USP46: variants seen among roughly 807,000 people sequenced by gnomAD.
USP46 encodes the protein ubiquitin specific peptidase 46.
In USP46, 12 loss-of-function variants were observed where a neutral mutation model predicts 44.4. The observed-to-expected ratio is 0.27, with a 90% confidence interval of 0.17 to 0.44. The LOEUF is 0.44. USP46 is among the 20% of genes least tolerant of loss of function. The probability of loss-of-function intolerance (pLI) is 1.00; values close to 1 mark genes in which losing one functional copy is unlikely to be tolerated. For synonymous variants in USP46, 155 were observed against 161.5 expected, an observed-to-expected ratio of 0.96 and a Z score of 0.31; for missense variants, 248 against 444.8, an observed-to-expected ratio of 0.56 and a Z score of 3.98.
chr4:52,613,438 A>G (rs1302767728), intron 4 of USP46, among the ~76,000 whole-genome samples: 1 of 152,038 alleles, frequency 6.6e-6, no homozygotes, highest in East Asian at 1.9e-4. Context: ...AACTAACAGA[A>G]TCCGGCCGGG....
Position 52,593,046 on chromosome 4 carries a change from T to A in USP46, c.*4594A>T, listed in dbSNP as rs1419748016. The A allele has an allele frequency of 5.0e-6, 2 of 397,860 alleles. No individual in the cohort carries two copies. Among genetic ancestry groups the A allele is most frequent in the Non-Finnish European group, 8.9e-6 (2 of 225,896 alleles). 24.6% of individuals were successfully genotyped at this position (397,860 alleles called of 1,614,324 possible). On this transcript the variant is annotated 3_prime_UTR_variant, in exon 9 of 9. Coordinates refer to ENST00000441222, the MANE Select transcript of USP46 (RefSeq NM_022832.4). ...CAGAAATGACCCACGCTCAGGTATGTCTTTATAGCACTGCCAGAATGGACA... is the reference window on the plus strand; with the variant it reads ...CAGAAATGACCCACGCTCAGGTATGACTTTATAGCACTGCCAGAATGGACA...
intron 1 of USP46, among the ~76,000 whole-genome samples, chr4:52,636,689 G>A (rs1448241160): frequency 9.1e-6 from 1 of 109,384 alleles, no homozygotes; most frequent in African/African-American, 3.6e-5. Context: ...CTGGGTGACA[G>A]AGTAAGACTC....
chr4:52,615,749 G>A (rs760856268), intron 4 of USP46, among the ~76,000 whole-genome samples: 1 of 152,118 alleles, frequency 6.6e-6, no homozygotes, highest in Non-Finnish European at 1.5e-5. Context: ...CAGTCATGAG[G>A]GATCTTACTG....
rs1716125417 is a variant in USP46, at chr4:52,593,923, T to A, written c.*3717A>T. The stretch of plus-strand genomic sequence containing the variant: ...TATTCTCCAGATACCATTTCCTGAA[T>A]TAAATTCTGTTGATCTTTTTCACTC... On this transcript the variant is annotated 3_prime_UTR_variant, in exon 9 of 9. Coordinates refer to ENST00000441222, the MANE Select transcript of USP46 (RefSeq NM_022832.4). 6.6e-6 allele frequency: 1 copy of A among 152,278 alleles called. No individual in the cohort carries two copies. Among genetic ancestry groups the A allele is most frequent in the Non-Finnish European group, 1.5e-5 (1 of 68,050 alleles). 9.4% of individuals were successfully genotyped at this position (152,278 alleles called of 1,614,324 possible).
At chr4:52,605,814 C>T (rs1249712566) in intron 5 of USP46, among the ~76,000 whole-genome samples, 1 of 152,236 alleles carries the variant, frequency 6.6e-6, no homozygotes, top group African/African-American at 2.4e-5. Context: ...CTTCTCTCTG[C>T]TCCAGCCACA....
chr4:52,597,902 G>T (rs1282543437), intron 8 of USP46, among the ~76,000 whole-genome samples, 161 bp from the exon 9 acceptor site: 1 of 152,202 alleles, frequency 6.6e-6, no homozygotes, highest in East Asian at 1.9e-4. Context: ...CACAGACTTG[G>T]CTAAAGGACA....
At chr4:52,616,992 T>G (rs1197195134) in intron 4 of USP46, among the ~76,000 whole-genome samples, 1 of 152,224 alleles carries the variant, frequency 6.6e-6, no homozygotes, top group African/African-American at 2.4e-5. Flanking sequence ...AAGGGAAATT[T>G]ATAGCTTTAT....
chr4:52,629,845 G>A (rs1717747061), intron 2 of USP46, among the ~76,000 whole-genome samples: 1 of 152,172 alleles, frequency 6.6e-6, no homozygotes, highest in South Asian at 2.1e-4. Context: ...GAGGCTCAGA[G>A]AGTGCAAGTG....
At chr4:52,615,279 C>T (rs747950058) in intron 4 of USP46, among the ~76,000 whole-genome samples, 4 of 151,650 alleles carry the variant, frequency 2.6e-5, no homozygotes, top group South Asian at 2.1e-4. Context: ...ATTTCTATGC[C>T]GTCCGCAAGA....
chr4:52,605,212 TCC>T (rs1246504269), intron 5 of USP46, among the ~76,000 whole-genome samples: 1 of 152,080 alleles, frequency 6.6e-6, no homozygotes, highest in Non-Finnish European at 1.5e-5. Context: ...TCCCCACTGC[TCC>T]CCCGCCGGAG....
intron 1 of USP46, among the ~76,000 whole-genome samples, chr4:52,654,938 T>C (rs1718898826): frequency 6.6e-6 from 1 of 152,126 alleles, no homozygotes; most frequent in African/African-American, 2.4e-5. Context: ...TTTTACAAGA[T>C]GAGAAAAACT....
At chr4:52,612,494 G>T (rs547385372) in intron 4 of USP46, among the ~76,000 whole-genome samples, 1 of 152,230 alleles carries the variant, frequency 6.6e-6, no homozygotes, top group Non-Finnish European at 1.5e-5. Flanking sequence ...GCCTTGGCCA[G>T]TGGGATGCTA....
intron 1 of USP46, among the ~76,000 whole-genome samples, chr4:52,632,984 GAAAA>G (rs1717947217): frequency 1.9e-4 from 10 of 52,534 alleles, no homozygotes; most frequent in East Asian, 1.1e-3. Context: ...AAGAAAGAAA[GAAAA>G]GAAAAGAAAG....
At chr4:52,654,530 T>C (rs1040303672) in intron 1 of USP46, among the ~76,000 whole-genome samples, 8 of 152,234 alleles carry the variant, frequency 5.3e-5, no homozygotes, top group Non-Finnish European at 8.8e-5. Context: ...ACTTCATTTA[T>C]TTATATGATA....
intron 1 of USP46, among the ~76,000 whole-genome samples, chr4:52,636,834 G>A (rs894740303): frequency 1.6e-4 from 24 of 150,920 alleles, no homozygotes; most frequent in African/African-American, 5.9e-4. Context: ...TTATGAGACA[G>A]GGTCTCACTC....
intron 1 of USP46, among the ~76,000 whole-genome samples, chr4:52,653,216 GT>G (rs1025367025): frequency 6.6e-6 from 1 of 152,104 alleles, no homozygotes; most frequent in African/African-American, 2.4e-5. Flanking sequence ...TCTCAAGAAT[GT>G]TTTCGTGGCA....
At chr4:52,615,265 A>G (rs965051819) in intron 4 of USP46, among the ~76,000 whole-genome samples, 3 of 152,092 alleles carry the variant, frequency 2.0e-5, no homozygotes, top group Non-Finnish European at 4.4e-5. Flanking sequence ...TTAAGGCAAG[A>G]CCAATTTCTA....
intron 1 of USP46, among the ~76,000 whole-genome samples, chr4:52,633,513 A>G (rs1176516623): frequency 6.6e-6 from 1 of 152,206 alleles, no homozygotes; most frequent in East Asian, 1.9e-4. Context: ...AATTTTCAAT[A>G]AAGTTATATC....
chr4:52,654,355 C>T (rs1264675976), intron 1 of USP46, among the ~76,000 whole-genome samples: 1 of 152,108 alleles, frequency 6.6e-6, no homozygotes, highest in Non-Finnish European at 1.5e-5. Context: ...TATCTGTTCC[C>T]CCAAATCACA....
Sources: allele counts gnomAD v4.1 joint callset (sites outside exome capture counted in the v4.1 genomes callset), GRCh38; gene constraint gnomAD v4.1.1; transcripts MANE v1.5; gene names NCBI Gene and HGNC (gene_info 2026-07-23, HGNC 2026-07-21).